Variants in DNAH10 observed in about 807,000 individuals in gnomAD.
The protein encoded by DNAH10 is axonemal beta dynein heavy chain 10.
A neutral mutation model predicts 506.6 loss-of-function variants in DNAH10; 348 were observed. That is an observed-to-expected ratio of 0.69 (90% CI 0.63 to 0.75). The LOEUF is 0.75. Ranked by LOEUF, DNAH10 falls within the 30% of genes least tolerant of loss-of-function variation. The pLI is 0.00. For synonymous variants in DNAH10, 2,059 were observed against 2,198.6 expected, an observed-to-expected ratio of 0.94 and a Z score of 1.78; for missense variants, 5,179 against 5,787.1, an observed-to-expected ratio of 0.89 and a Z score of 3.41.
intron 21 of DNAH10, among the ~76,000 whole-genome samples, chr12:123,815,048 A>G (rs1959096820): frequency 6.6e-6 from 1 of 151,692 alleles, no homozygotes; most frequent in South Asian, 2.1e-4. Context: ...CAGAATGTCA[A>G]ATTCCAACAA....
At chr12:123,825,642 G>A (rs79615794) in intron 24 of DNAH10, among the ~76,000 whole-genome samples, 2,703 of 152,264 alleles carry the variant, frequency 0.018, 93 homozygotes, top group African/African-American at 0.061. Context: ...CTGGGGGTAG[G>A]GACAGGAGGA....
rs558261011 is a variant in DNAH10 at position 123,864,241 on chromosome 12, G to A, written c.6909-354G>A. 7.3e-5 allele frequency among the ~76,000 whole-genome samples: 11 copies of A among 150,444 alleles called. No individual in the cohort carries two copies. In the South Asian group the frequency reaches 1.9e-3, roughly 26 times the overall value. On this transcript the variant is annotated intron_variant, in intron 39 of 78. Transcript: ENST00000673944. The stretch of plus-strand genomic sequence containing the variant: ...GCTCACTGCAACCTGTGCCTCCTGG[G>A]TTCATGCGATTCTCCTGCCTCAGCC...
intron 44 of DNAH10, among the ~76,000 whole-genome samples, 195 bp downstream of exon 44, chr12:123,870,680 C>G (rs1270759523): frequency 2.6e-5 from 4 of 152,170 alleles, no homozygotes; most frequent in African/African-American, 7.2e-5. Flanking sequence ...TTGTCAGCTG[C>G]TGGCTCTGAG....
chr12:123,933,239 T>C (rs1054164742), intron 76 of DNAH10, 92 bp from the exon 77 acceptor site: 14 of 1,235,142 alleles, frequency 1.1e-5, no homozygotes, highest in Non-Finnish European at 1.5e-5. Flanking sequence ...GTGAAATATG[T>C]CTTTTATCAT....
rs1566018998 is a variant in DNAH10, at chr12:123,868,090, G to A, written c.7490G>A (p.Gly2497Glu). 1.2e-6 allele frequency: 2 copies of A among 1,613,518 alleles called. No homozygotes were observed. Among genetic ancestry groups the A allele is most frequent in the Non-Finnish European group, 8.5e-7 (1 of 1,179,858 alleles). The change falls in exon 43 of 79, where the codon GGA becomes GAA. Residue 2497 changes from glycine to glutamate, a missense_variant. Physicochemically the swap from Gly to Glu is moderately conservative, Grantham distance 98 (BLOSUM62 -2). This residue lies in a region of DNAH10 where 4,844 missense variants were observed against 5,430.5 expected (regional missense o/e 0.89). Coordinates refer to ENST00000673944, the MANE Select transcript of DNAH10 (RefSeq NM_001372106.1). ...LASLSTVDTE[G>E]VWANPGELPG... ...TCTTTGTCTACTGTTGACACAGAAGGAGTTTGGGCCAACCCTGGGGAACTG... is the reference window on the plus strand; with the variant it reads ...TCTTTGTCTACTGTTGACACAGAAGAAGTTTGGGCCAACCCTGGGGAACTG...
chr12:123,886,494 C>T (rs973906272), intron 51 of DNAH10, among the ~76,000 whole-genome samples: 5 of 150,924 alleles, frequency 3.3e-5, no homozygotes, highest in South Asian at 2.2e-4. Flanking sequence ...TGTGTGCACA[C>T]GTGTGTGTGT....
In DNAH10 at chr12:123,909,428, T is replaced by C; in HGVS notation, c.9983T>C (p.Val3328Ala). The change falls in exon 58 of 79, where the codon GTG becomes GCG. Residue 3328 changes from valine to alanine, a missense_variant. By Grantham distance (64) the Val-to-Ala change is moderately conservative. This residue lies in a region of DNAH10 where 4,844 missense variants were observed against 5,430.5 expected (regional missense o/e 0.89). Coordinates refer to ENST00000673944, the MANE Select transcript of DNAH10 (RefSeq NM_001372106.1). This position sits in a 1 kb window ranked among gnomAD's most constrained non-coding sequence, Gnocchi z 5.4. ...IDFDSITQSQ[V>A]KNIKGLLKTL... ...TTTGATTCGATTACCCAGAGCCAAGTGAAAAACATCAAAGGTGAGTGTAGC... is the reference window on the plus strand; with the variant it reads ...TTTGATTCGATTACCCAGAGCCAAGCGAAAAACATCAAAGGTGAGTGTAGC... 1.3e-6 allele frequency: 2 copies of C among 1,596,886 alleles called. No individual in the cohort carries two copies. Among genetic ancestry groups the C allele is most frequent in the Non-Finnish European group, 1.7e-6 (2 of 1,170,708 alleles).
rs753225198 is a variant in DNAH10, at chr12:123,804,924, G to T, written c.2871G>T (p.Leu957=). The T allele has an allele frequency of 6.2e-7, 1 of 1,614,112 alleles. No individual in the cohort carries two copies. Among genetic ancestry groups the T allele is most frequent in the African/African-American group, 1.3e-5 (1 of 75,042 alleles). The change falls in exon 18 of 79, where the codon CTG becomes CTT. Residue 957 remains leucine, a synonymous_variant. Transcript: ENST00000673944. The stretch of plus-strand genomic sequence containing the variant: ...GGTATCTTGCCATTGGACCACTGCT[G>T]ACCAAAGTTGAGGGCCTGGTCGTCC... ...VRWYLAIGPL[L]TKVEGLVVHT... is the part of the protein sequence containing the mutation.
At position 123,903,241 on chromosome 12, in the gene DNAH10, C is replaced by G; in HGVS notation, c.9815+128C>G. The G allele has an allele frequency of 1.6e-6, 2 of 1,251,998 alleles. No individual in the cohort carries two copies. The highest frequency in any genetic ancestry group is 2.1e-6 in the Non-Finnish European group (2 of 932,692). The allele number at this position is 1,251,998 out of a possible 1,614,324, so 77.6% of individuals were successfully genotyped here. ...ATGCTGCCACTGTGCCTGGCTCTCT[C>G]CATGGTGGAGACTGTTGTTGCCCTC... On this transcript the variant is annotated intron_variant, in intron 57 of 78. Transcript: ENST00000673944. This position sits in a 1 kb window ranked among gnomAD's most constrained non-coding sequence, Gnocchi z 4.6.
chr12:123,901,936 C>T (rs1354208772), intron 56 of DNAH10, among the ~76,000 whole-genome samples: 1 of 152,192 alleles, frequency 6.6e-6, no homozygotes, highest in Non-Finnish European at 1.5e-5. Context: ...GCTGGGATTA[C>T]AGGTGTGAGC....
chr12:123,766,852 T>A (rs1447855984), intron 1 of DNAH10, among the ~76,000 whole-genome samples: 1 of 152,114 alleles, frequency 6.6e-6, no homozygotes, highest in Non-Finnish European at 1.5e-5. Flanking sequence ...TATGTAAATG[T>A]TAGTGTAGTT....
chr12:123,918,975 A>G (rs1354344837), intron 65 of DNAH10, 26 bp downstream of exon 65: 16 of 1,558,526 alleles, frequency 1.0e-5, no homozygotes, highest in Non-Finnish European at 1.4e-5. Flanking sequence ...AGAGGAGGAC[A>G]TGTTAGTGTA....
chr12:123,822,895 G>A (rs190276664), intron 24 of DNAH10, among the ~76,000 whole-genome samples: 1 of 152,322 alleles, frequency 6.6e-6, no homozygotes. Context: ...TCCATGTTGG[G>A]GAGGGCCACC....
At chr12:123,840,618 A>T (rs914631718) in intron 29 of DNAH10, among the ~76,000 whole-genome samples, 1 of 151,996 alleles carries the variant, frequency 6.6e-6, no homozygotes, top group Admixed American at 6.6e-5. Flanking sequence ...AGAAAAATAC[A>T]GTGTTAGGAA....
chr12:123,853,404 A>G lies in DNAH10; in HGVS notation c.6438+52A>G. 6.3e-7 allele frequency: 1 copy of G among 1,575,604 alleles called. No homozygotes were observed. The highest frequency in any genetic ancestry group is 8.6e-7 in the Non-Finnish European group (1 of 1,159,988). On this transcript the variant is annotated intron_variant, in intron 36 of 78. Coordinates refer to ENST00000673944, the MANE Select transcript of DNAH10 (RefSeq NM_001372106.1). The surrounding 1 kb of genome is among the most constrained non-coding windows in gnomAD (Gnocchi z 4.7). ...CTGGTTTCAGCTGCTTCAGGCATTT[A>G]CTACGTGCCATTGGGGAGGTGATGG...
chr12:123,916,704 T>C lies in DNAH10; in HGVS notation c.10970T>C (p.Val3657Ala), dbSNP rs1954495387. 1 of 1,613,292 alleles carries C rather than the reference T, an allele frequency of 6.2e-7. No homozygotes were observed. The highest frequency in any genetic ancestry group is 8.5e-7 in the Non-Finnish European group (1 of 1,179,546). The stretch of plus-strand genomic sequence containing the variant: ...GCCAATCCCAGATATTCCCCATCCG[T>C]GTTTGGGAAAGCTATGGTGATCAAT... ...KLANPRYSPS[V>A]FGKAMVINYT... The change falls in exon 63 of 79, where the codon GTG becomes GCG. Residue 3657 changes from valine (V) to alanine (A), a missense_variant. Physicochemically the swap from Val to Ala is moderately conservative, Grantham distance 64 (BLOSUM62 0). Transcript: ENST00000673944. The surrounding 1 kb of genome is among the most constrained non-coding windows in gnomAD (Gnocchi z 4.6).
chr12:123,888,814 C>A (rs888448083), intron 52 of DNAH10, among the ~76,000 whole-genome samples: 3 of 152,206 alleles, frequency 2.0e-5, no homozygotes, highest in African/African-American at 7.2e-5. Context: ...CTTAGCCACG[C>A]TCACAACCAC....
At chr12:123,838,719 C>G (rs117995113) in intron 29 of DNAH10, 30 bp downstream of exon 29, 1 of 1,598,560 alleles carries the variant, frequency 6.3e-7, no homozygotes, top group South Asian at 1.1e-5. Flanking sequence ...AGGGGCTCCC[C>G]GTGTAAGCCT....
intron 36 of DNAH10, among the ~76,000 whole-genome samples, chr12:123,855,126 T>A (rs535439881): frequency 6.6e-6 from 1 of 152,234 alleles, no homozygotes; most frequent in African/African-American, 2.4e-5. Flanking sequence ...TCCCCGGGGC[T>A]CCTGTGTTGA....
Sources: gnomAD v4.1 joint callset for allele counts (sites outside exome capture counted in the v4.1 genomes callset) on GRCh38, gnomAD v4.1.1 for gene constraint, gnomAD v4.1.1 regional missense constraint, Gnocchi (gnomAD v3.1) non-coding constraint, MANE v1.5 for transcripts, NCBI Gene and HGNC (gene_info 2026-07-23, HGNC 2026-07-21) for gene names.